PEX5L: variants seen among roughly 807,000 people sequenced by gnomAD.
PEX5L encodes the protein peroxisomal biogenesis factor 5 like, also known as PEX5-related protein.
A neutral mutation model predicts 84.0 loss-of-function variants in PEX5L; 30 were observed. The observed-to-expected ratio is 0.36, with a 90% confidence interval of 0.27 to 0.48. The LOEUF is 0.48. Among genes scored for constraint, PEX5L ranks in the 20% least tolerant of loss-of-function variants. PEX5L has a pLI of 0.99. For synonymous variants in PEX5L, 270 were observed against 283.1 expected (o/e 0.95, Z 0.46); for missense variants, 533 against 754.6 (o/e 0.71, Z 3.44).
At chr3:179,915,147 G>A (rs1472851956) in intron 2 of PEX5L, among the ~76,000 whole-genome samples, 1 of 152,116 alleles carries the variant, frequency 6.6e-6, no homozygotes. Context: ...GCCAAGAAAA[G>A]CACCTGACAC....
At chr3:179,946,680 C>T (rs551634979) in intron 2 of PEX5L, among the ~76,000 whole-genome samples, 42 of 152,284 alleles carry the variant, frequency 2.8e-4, no homozygotes, top group Admixed American at 4.6e-4. Context: ...AATCCCTGGG[C>T]GTGAAACCTA....
At chr3:179,974,000 G>T (rs895095942) in intron 1 of PEX5L, 2 of 985,230 alleles carry the variant, frequency 2.0e-6, no homozygotes, top group Non-Finnish European at 2.4e-6. Flanking sequence ...AGCCATAATG[G>T]TATTCACTCA....
chr3:179,879,296 A>G (rs1166452395), intron 5 of PEX5L, among the ~76,000 whole-genome samples: 2 of 152,214 alleles, frequency 1.3e-5, no homozygotes, highest in African/African-American at 4.8e-5. Context: ...AGTGGAAAAC[A>G]TATGGGCTTT....
chr3:179,951,554 T>G (rs1361010890), intron 2 of PEX5L, among the ~76,000 whole-genome samples: 1 of 152,210 alleles, frequency 6.6e-6, no homozygotes, highest in Non-Finnish European at 1.5e-5. Flanking sequence ...TCAGAGATGA[T>G]GAATGAGGAT....
intron 1 of PEX5L, among the ~76,000 whole-genome samples, chr3:180,002,435 A>G (rs1579302522): frequency 1.3e-5 from 2 of 152,116 alleles, no homozygotes; most frequent in South Asian, 2.1e-4. Context: ...GTGTAAAGTG[A>G]TATCTTTCAT....
intron 2 of PEX5L, among the ~76,000 whole-genome samples, chr3:179,908,970 G>A (rs1316564421): frequency 6.6e-6 from 1 of 152,120 alleles, no homozygotes; most frequent in Admixed American, 6.6e-5. Context: ...ACACATGAAA[G>A]CACCTTCCAT....
At chr3:179,875,247 T>A in intron 6 of PEX5L, 107 bp downstream of exon 6, 1 of 996,564 alleles carries the variant, frequency 1.0e-6, no homozygotes, top group Non-Finnish European at 1.6e-6. Context: ...TATATAGGGG[T>A]TACATGTGAT....
chr3:179,921,723 G>A (rs552002277), intron 2 of PEX5L: 9 of 152,328 alleles, frequency 5.9e-5, no homozygotes, highest in African/African-American at 1.2e-4. Flanking sequence ...ACACTGGATC[G>A]TCCTGATATA....
intron 5 of PEX5L, among the ~76,000 whole-genome samples, 194 bp from the exon 6 acceptor site, chr3:179,875,671 T>C (rs1030246656): frequency 2.6e-5 from 4 of 152,342 alleles, no homozygotes; most frequent in African/African-American, 9.6e-5. Context: ...ATCTTTCCAA[T>C]GTTGCATACA....
At chr3:179,983,485 T>C (rs1030262503) in intron 1 of PEX5L, among the ~76,000 whole-genome samples, 4 of 151,938 alleles carry the variant, frequency 2.6e-5, no homozygotes, top group Non-Finnish European at 2.9e-5. Context: ...TACTAAGAAA[T>C]TGTTTGTCAT....
intron 8 of PEX5L, among the ~76,000 whole-genome samples, chr3:179,821,899 C>A (rs977309091): frequency 6.6e-6 from 1 of 152,132 alleles, no homozygotes; most frequent in African/African-American, 2.4e-5. Context: ...TTTTTCCTGC[C>A]TCTTCATACT....
At chr3:179,978,703 G>T (rs1786037838) in intron 1 of PEX5L, among the ~76,000 whole-genome samples, 1 of 152,118 alleles carries the variant, frequency 6.6e-6, no homozygotes, top group Non-Finnish European at 1.5e-5. Context: ...TAAAGTTTAG[G>T]AGTTGTTTTA....
At position 180,000,652 on chromosome 3, in the gene PEX5L, A is replaced by G. The variant is rs192279559; in HGVS notation, c.22-28987T>C. Among the ~76,000 whole-genome samples, 302 of 152,310 alleles carry G rather than the reference A, an allele frequency of 2.0e-3. 1 individual carries two copies. The highest frequency in any genetic ancestry group is 3.5e-3 in the Non-Finnish European group (239 of 68,028). ...ATTTCCTCCTTCTTTTGTTAAAAAC[A>G]TGTTTGTGCATGTATATACTTGTAC... On this transcript the variant is annotated intron_variant, in intron 1 of 14. Coordinates refer to ENST00000467460, the MANE Select transcript of PEX5L (RefSeq NM_016559.3).
At chr3:179,853,374 C>T (rs1404054099) in intron 8 of PEX5L, among the ~76,000 whole-genome samples, 4 of 152,196 alleles carry the variant, frequency 2.6e-5, no homozygotes, top group African/African-American at 9.7e-5. Flanking sequence ...TCCCTTCCTG[C>T]TAACGTTGAT....
intron 1 of PEX5L, among the ~76,000 whole-genome samples, chr3:180,019,596 A>C (rs988017630): frequency 5.3e-5 from 8 of 152,166 alleles, no homozygotes; most frequent in African/African-American, 1.7e-4. Flanking sequence ...AATTCTCTCT[A>C]AGTGGGTATA....
chr3:179,828,979 G>T lies in PEX5L; in HGVS notation c.823-9003C>A, dbSNP rs578154073. 5.9e-5 allele frequency among the ~76,000 whole-genome samples: 9 copies of T among 152,234 alleles called. 1 individual carries two copies. The highest frequency in any genetic ancestry group is 9.6e-5 in the African/African-American group (4 of 41,552). ...AATGAAACCCAGAATGTGGAGAAAA[G>T]AATTAAAATAATTTTTGGTGTGTTT... On this transcript the variant is annotated intron_variant, in intron 8 of 14. Coordinates refer to ENST00000467460, the MANE Select transcript of PEX5L (RefSeq NM_016559.3).
chr3:179,900,943 A>G (rs1384163442), intron 2 of PEX5L, among the ~76,000 whole-genome samples: 3 of 152,182 alleles, frequency 2.0e-5, no homozygotes, highest in African/African-American at 7.2e-5. Context: ...AAGTGAATAC[A>G]CTCATGTATC....
intron 11 of PEX5L, 65 bp from the exon 12 acceptor site, chr3:179,809,733 A>C (rs976560641): frequency 2.8e-5 from 34 of 1,205,146 alleles, no homozygotes; most frequent in Non-Finnish European, 4.0e-5. Flanking sequence ...GTTCTTCAGA[A>C]AATGTGGGGG....
chr3:179,966,237 G>A (rs1783299331), intron 2 of PEX5L, among the ~76,000 whole-genome samples: 1 of 152,140 alleles, frequency 6.6e-6, no homozygotes. Context: ...AGAATCTGCA[G>A]GCTGAGCAGG....
Sources: allele counts gnomAD v4.1 joint callset (sites outside exome capture counted in the v4.1 genomes callset), GRCh38; gene constraint gnomAD v4.1.1; transcripts MANE v1.5; gene names NCBI Gene and HGNC (gene_info 2026-07-23, HGNC 2026-07-21).